The following ZNF184 variants were observed in gnomAD, a reference collection of about 807,000 sequenced individuals.
ZNF184 encodes zinc finger protein 184 (Kruppel-like).
ZNF184 carries 16 observed loss-of-function variants against 54.4 expected under a neutral mutation model. The ratio of observed to expected loss-of-function variants is 0.29; its 90% confidence interval spans 0.20 to 0.45. ZNF184 has a LOEUF of 0.45. Among genes scored for constraint, ZNF184 ranks in the 20% least tolerant of loss-of-function variants. The pLI, the probability that ZNF184 is intolerant of heterozygous loss-of-function variation, is 1.00. For synonymous variants in ZNF184, 254 were observed against 295.3 expected (o/e 0.86, Z 1.43); for missense variants, 681 against 888.2 (o/e 0.77, Z 2.97).
chr6:27,437,369 T>G, the ZNF184 span, among the ~76,000 whole-genome samples: 30 of 152,276 alleles, frequency 2.0e-4, no homozygotes, highest in Admixed American at 1.2e-3. Flanking sequence ...AAAGGGGCCT[T>G]TAGAGCTGAG....
At chr6:27,448,894 A>G (rs1210799016), downstream of ZNF184, among the ~76,000 whole-genome samples, 1 of 152,074 alleles carries the variant, frequency 6.6e-6, no homozygotes, top group Non-Finnish European at 1.5e-5. Flanking sequence ...TTTATTATCT[A>G]TGTTTACCAC....
the ZNF184 span, among the ~76,000 whole-genome samples, chr6:27,424,351 G>A: frequency 1.3e-4 from 20 of 152,196 alleles, no homozygotes; most frequent in South Asian, 6.2e-4. Flanking sequence ...AGCTTCCACA[G>A]GGTACAAGGA....
chr6:27,471,389 G>A (rs1403749955), intron 2 of ZNF184, among the ~76,000 whole-genome samples: 5 of 152,198 alleles, frequency 3.3e-5, no homozygotes, highest in Non-Finnish European at 5.9e-5. Flanking sequence ...CAAAAATGGT[G>A]TAAATCTAGA....
chr6:27,453,084 T>C lies in ZNF184; in HGVS notation c.475A>G (p.Thr159Ala), dbSNP rs749548174. ...GTTACCTTTATTTCCTTTGGCAGTG[T>C]CTGTTGGTTTGCCTGCTGTCTCTCT... ...SLERQQANQQ[T>A]LPKEIKVTEK... The change falls in exon 6 of 6, where the codon ACA becomes GCA. Residue 159 changes from threonine (T) to alanine (A), a missense_variant. Thr to Ala is a moderately conservative substitution (Grantham distance 58). Transcript: ENST00000683788. The surrounding 1 kb of genome is among the most constrained non-coding windows in gnomAD (Gnocchi z 4.7). 1.2e-6 allele frequency: 2 copies of C among 1,614,116 alleles called. No homozygotes were observed. Among genetic ancestry groups the C allele is most frequent in the Admixed American group, 3.3e-5 (2 of 60,018 alleles).
chr6:27,409,259 G>A, the ZNF184 span, among the ~76,000 whole-genome samples: 1 of 152,078 alleles, frequency 6.6e-6, no homozygotes, highest in Non-Finnish European at 1.5e-5. Context: ...CAGCGCTTTG[G>A]GAGGCCGAGG....
intron 3 of ZNF184, among the ~76,000 whole-genome samples, chr6:27,465,058 G>C (rs1763094193): frequency 7.0e-6 from 1 of 143,280 alleles, no homozygotes; most frequent in Admixed American, 7.0e-5. Flanking sequence ...ATCATGTGAG[G>C]ACATGAGGAG....
chr6:27,425,249 C>T, the ZNF184 span, among the ~76,000 whole-genome samples: 1 of 152,242 alleles, frequency 6.6e-6, no homozygotes, highest in South Asian at 2.1e-4. Flanking sequence ...CGGCTCTGGC[C>T]TTTGCCAGCC....
At chr6:27,438,723 G>A in the ZNF184 span, among the ~76,000 whole-genome samples, 1 of 151,894 alleles carries the variant, frequency 6.6e-6, no homozygotes, top group East Asian at 1.9e-4. Context: ...AGAATTTGGG[G>A]GCCATTTCTT....
chr6:27,433,980 T>TCCTTCCTCTCCCTC, the ZNF184 span, among the ~76,000 whole-genome samples: 247 of 147,786 alleles, frequency 1.7e-3, 1 homozygote, highest in African/African-American at 5.9e-3. Flanking sequence ...CTCCCTTCCT[T>TCCTTCCTCTCCCTC]CCTTCCTTCC....
chr6:27,445,198 A>G, the ZNF184 span, among the ~76,000 whole-genome samples: 1 of 152,248 alleles, frequency 6.6e-6, no homozygotes, highest in Non-Finnish European at 1.5e-5. Flanking sequence ...CCTGGAAACA[A>G]TCCAAATGCC....
At chr6:27,405,935 C>A in the ZNF184 span, 1 of 152,154 alleles carries the variant, frequency 6.6e-6, no homozygotes, top group Non-Finnish European at 1.5e-5. Context: ...TTTAAATGGG[C>A]ACCCTGGTTA....
chr6:27,446,835 T>G (rs1561832590), downstream of ZNF184, among the ~76,000 whole-genome samples: 1 of 152,078 alleles, frequency 6.6e-6, no homozygotes, highest in Non-Finnish European at 1.5e-5. Flanking sequence ...TCAAAGGAGA[T>G]TATTCTCCCA....
chr6:27,457,172 A>C, intron 4 of ZNF184, 111 bp downstream of exon 4: 2 of 1,430,970 alleles, frequency 1.4e-6, no homozygotes, highest in Middle Eastern at 2.2e-4. Flanking sequence ...TTCAAAAACT[A>C]GAAATTTAGA....
At chr6:27,449,712 C>G (rs899156749), downstream of ZNF184, among the ~76,000 whole-genome samples, 3 of 152,064 alleles carry the variant, frequency 2.0e-5, no homozygotes, top group African/African-American at 7.2e-5. Context: ...AATCATGCTA[C>G]TGCACTCCAG....
At chr6:27,435,262 T>G in the ZNF184 span, among the ~76,000 whole-genome samples, 3 of 152,244 alleles carry the variant, frequency 2.0e-5, no homozygotes, top group African/African-American at 7.2e-5. Flanking sequence ...CTGTTAGCAA[T>G]ATTAAGTCTT....
chr6:27,424,400 T>G, the ZNF184 span, among the ~76,000 whole-genome samples: 2 of 152,196 alleles, frequency 1.3e-5, no homozygotes, highest in African/African-American at 2.4e-5. Flanking sequence ...CGCAGCCTGC[T>G]TTTATTCTCT....
chr6:27,404,424 A>G, the ZNF184 span: 2 of 152,218 alleles, frequency 1.3e-5, no homozygotes, highest in Non-Finnish European at 2.9e-5. Context: ...AAGTCCAGAA[A>G]GGCAGATGCG....
At chr6:27,425,343 C>G in the ZNF184 span, among the ~76,000 whole-genome samples, 1 of 152,228 alleles carries the variant, frequency 6.6e-6, no homozygotes, top group African/African-American at 2.4e-5. Context: ...GAGGAGGCGC[C>G]GAGAGCGAGC....
chr6:27,422,622 C>T, the ZNF184 span, among the ~76,000 whole-genome samples: 11 of 152,092 alleles, frequency 7.2e-5, no homozygotes, highest in Admixed American at 7.2e-4. Context: ...TGGATATGTT[C>T]CTCATGTGAT....
Sources: gnomAD v4.1 joint callset for allele counts (sites outside exome capture counted in the v4.1 genomes callset) on GRCh38, gnomAD v4.1.1 for gene constraint, Gnocchi (gnomAD v3.1) non-coding constraint, MANE v1.5 for transcripts, NCBI Gene and HGNC (gene_info 2026-07-23, HGNC 2026-07-21) for gene names.